Variants in ATP9B observed in about 807,000 individuals in gnomAD.
ATP9B encodes ATPase phospholipid transporting 9B.
Under a neutral mutation model 146.1 loss-of-function variants are expected in ATP9B, and 110 were observed. The ratio of observed to expected loss-of-function variants is 0.75; its 90% CI spans 0.65 to 0.88. The LOEUF is 0.88. ATP9B is among the 40% of genes least tolerant of loss of function. The pLI, the probability that ATP9B is intolerant of heterozygous loss-of-function variation, is 0.00. For synonymous variants in ATP9B, 604 were observed against 569.7 expected, an observed-to-expected ratio of 1.06 and a Z score of -0.86; for missense variants, 1,499 against 1,496.4, an observed-to-expected ratio of 1.00 and a Z score of -0.03.
At chr18:79,099,693 T>C (rs2075112554) in intron 2 of ATP9B, among the ~76,000 whole-genome samples, 1 of 152,152 alleles carries the variant, frequency 6.6e-6, no homozygotes, top group African/African-American at 2.4e-5. Context: ...CTTGAACTCC[T>C]GAGCTTAAGT....
Position 79,205,810 on chromosome 18 carries a change from A to G in ATP9B, c.955-1127A>G, listed in dbSNP as rs191947194. On this transcript the variant is annotated intron_variant, in intron 9 of 29. Transcript: ENST00000426216. Reference sequence around the variant, plus strand: ...TATGAACATTGAAAGTGTAAATGTAAAACTAGACTGTACATATTGCTGTCG... The same window carrying G: ...TATGAACATTGAAAGTGTAAATGTAGAACTAGACTGTACATATTGCTGTCG... 2.7e-3 allele frequency among the ~76,000 whole-genome samples: 404 copies of G among 152,344 alleles called. 4 individuals carry two copies. Among genetic ancestry groups the G allele is most frequent in the Middle Eastern group, 3.4e-3 (1 of 294 alleles).
chr18:79,157,304 G>A (rs2094801316), intron 7 of ATP9B, among the ~76,000 whole-genome samples: 1 of 146,104 alleles, frequency 6.8e-6, no homozygotes, highest in African/African-American at 2.6e-5. Flanking sequence ...ACTGAGGCAG[G>A]AGAATCACTT....
intron 13 of ATP9B, among the ~76,000 whole-genome samples, chr18:79,279,646 A>G (rs1266826314): frequency 6.6e-6 from 1 of 152,232 alleles, no homozygotes; most frequent in Non-Finnish European, 1.5e-5. Context: ...GTAACAACAA[A>G]AAGTATAAAA....
At chr18:79,243,744 T>C (rs1290011246) in intron 11 of ATP9B, among the ~76,000 whole-genome samples, 2 of 152,248 alleles carry the variant, frequency 1.3e-5, no homozygotes, top group Non-Finnish European at 2.9e-5. Flanking sequence ...AAGATACTGT[T>C]AGAAGAACAA....
chr18:79,106,394 ACTGTTTTCGTTACAG>A (rs2075652093), intron 2 of ATP9B, among the ~76,000 whole-genome samples: 2 of 151,924 alleles, frequency 1.3e-5, no homozygotes, highest in African/African-American at 4.8e-5. Flanking sequence ...GCTTAAACAT[ACTGTTTTCGTTACAG>A]TGTTTATGTA....
At position 79,329,199 on chromosome 18, in the gene ATP9B, C is replaced by T. The variant is rs766989723; in HGVS notation, c.1832C>T (p.Thr611Ile). ...VGLTLVSRDL[T>I]SMQLKTPSGQ... is the part of the protein sequence containing the mutation. ...CTCACGCTGGTCAGCAGGGACCTCA[C>T]CTCCATGCAGCTGAAGACCCCCAGT... The change falls in exon 16 of 30, where the codon ACC (threonine) becomes ATC (isoleucine). Residue 611 changes from threonine (T) to isoleucine (I), a missense_variant. Thr to Ile is a moderately conservative substitution (Grantham distance 89). Coordinates refer to ENST00000426216, the MANE Select transcript of ATP9B (RefSeq NM_198531.5). The T allele has an allele frequency of 4.3e-6, 7 of 1,612,232 alleles. No individual in the cohort carries two copies. The highest frequency in any genetic ancestry group is 5.9e-6 in the Non-Finnish European group (7 of 1,179,840).
At chr18:79,153,392 G>A (rs1024175655) in intron 6 of ATP9B, among the ~76,000 whole-genome samples, 3 of 152,140 alleles carry the variant, frequency 2.0e-5, no homozygotes, top group African/African-American at 7.2e-5. Flanking sequence ...TGTCATGAAA[G>A]AATATCTCCT....
In ATP9B at chr18:79,283,286, A is replaced by G. The variant is rs376520315; in HGVS notation, c.1411+6090A>G. Reference sequence around the variant, plus strand: ...ATAAAGCGTCCTGGTTCTCCGTATCAGAGGAGGCATGTTGAGCCATAAGGC... The same window carrying G: ...ATAAAGCGTCCTGGTTCTCCGTATCGGAGGAGGCATGTTGAGCCATAAGGC... On this transcript the variant is annotated intron_variant, in intron 13 of 29. Transcript: ENST00000426216. Among the ~76,000 whole-genome samples, 364 of 152,310 alleles carry G rather than the reference A, an allele frequency of 2.4e-3. 1 individual carries two copies. Among genetic ancestry groups the G allele is most frequent in the South Asian group, 6.4e-3 (31 of 4,826 alleles).
At chr18:79,296,701 A>G (rs1004014832) in intron 13 of ATP9B, among the ~76,000 whole-genome samples, 2 of 152,236 alleles carry the variant, frequency 1.3e-5, no homozygotes, top group African/African-American at 4.8e-5. Context: ...CCCTTGTTTC[A>G]TAAATTAGGC....
At chr18:79,076,431 C>T (rs913679972) in intron 1 of ATP9B, among the ~76,000 whole-genome samples, 4 of 152,158 alleles carry the variant, frequency 2.6e-5, no homozygotes, top group Non-Finnish European at 4.4e-5. Flanking sequence ...ATACGGAATT[C>T]GGAGTTGACA....
chr18:79,101,794 C>G (rs1351712433), intron 2 of ATP9B, among the ~76,000 whole-genome samples: 1 of 152,112 alleles, frequency 6.6e-6, no homozygotes, highest in Non-Finnish European at 1.5e-5. Context: ...TTTGTGTACT[C>G]TCATAAGTAA....
At chr18:79,211,673 A>G (rs560726125) in intron 10 of ATP9B, among the ~76,000 whole-genome samples, 1 of 152,314 alleles carries the variant, frequency 6.6e-6, no homozygotes, top group South Asian at 2.1e-4. Flanking sequence ...AATCTTTTAA[A>G]ATGTTGTCTT....
chr18:79,368,508 A>G (rs1376149474), intron 26 of ATP9B, among the ~76,000 whole-genome samples: 1 of 152,212 alleles, frequency 6.6e-6, no homozygotes, highest in Non-Finnish European at 1.5e-5. Flanking sequence ...TGTGGCAGCA[A>G]GTCCACCTTT....
intron 7 of ATP9B, among the ~76,000 whole-genome samples, chr18:79,165,556 T>C (rs898323305): frequency 2.0e-5 from 3 of 152,220 alleles, no homozygotes; most frequent in Admixed American, 6.5e-5. Context: ...AAATTAACCT[T>C]ACTTGTTCAG....
intron 11 of ATP9B, among the ~76,000 whole-genome samples, chr18:79,251,552 CAATTT>C (rs2096023819): frequency 6.6e-6 from 1 of 152,000 alleles, no homozygotes; most frequent in African/African-American, 2.4e-5. Flanking sequence ...GTAGACATTT[CAATTT>C]ATTTGTTTAA....
chr18:79,142,973 G>A (rs1410161610), intron 5 of ATP9B, among the ~76,000 whole-genome samples: 1 of 152,170 alleles, frequency 6.6e-6, no homozygotes, highest in African/African-American at 2.4e-5. Flanking sequence ...TGTTAGGACA[G>A]TAATTACAAA....
chr18:79,336,656 G>A lies in ATP9B; in HGVS notation c.2057G>A (p.Arg686Gln), dbSNP rs754672336. Reference sequence around the variant, plus strand: ...GGAAACATGGCTCGCGAAGGACTGCGGACCCTCGTGGTTGCAAAGAAGGCG... The same window carrying A: ...GGAAACATGGCTCGCGAAGGACTGCAGACCCTCGTGGTTGCAAAGAAGGCG... ...ECGNMAREGLRTLVVAKKALT... is the reference protein window; with the variant it reads ...ECGNMAREGLQTLVVAKKALT... The change falls in exon 18 of 30, where the codon CGG becomes CAG. Residue 686 changes from arginine to glutamine, a missense_variant. By Grantham distance (43) the Arg-to-Gln change is conservative. Coordinates refer to ENST00000426216, the MANE Select transcript of ATP9B (RefSeq NM_198531.5). 22 of 1,611,786 alleles carry A rather than the reference G, an allele frequency of 1.4e-5. No individual in the cohort carries two copies. Among genetic ancestry groups the A allele is most frequent in the East Asian group, 1.1e-4 (5 of 44,716 alleles).
chr18:79,148,071 T>C (rs1359406533), intron 6 of ATP9B, among the ~76,000 whole-genome samples: 1 of 152,212 alleles, frequency 6.6e-6, no homozygotes, highest in East Asian at 1.9e-4. Flanking sequence ...ATAGAAGAAA[T>C]GGACAAATTC....
chr18:79,131,724 A>T (rs571019964), intron 5 of ATP9B, among the ~76,000 whole-genome samples: 1 of 152,342 alleles, frequency 6.6e-6, no homozygotes, highest in South Asian at 2.1e-4. Flanking sequence ...TCACTAAAAG[A>T]TGAGTGGATA....
Sources: gnomAD v4.1 joint callset for allele counts (sites outside exome capture counted in the v4.1 genomes callset) on GRCh38, gnomAD v4.1.1 for gene constraint, MANE v1.5 for transcripts, NCBI Gene and HGNC (gene_info 2026-07-23, HGNC 2026-07-21) for gene names.